The following IFT46 variants were observed in gnomAD, a reference collection of about 807,000 sequenced individuals.
IFT46 encodes the protein intraflagellar transport protein 46 homolog.
A neutral mutation model predicts 39.6 loss-of-function variants in IFT46; 19 were observed. The ratio of observed to expected loss-of-function variants is 0.48; its 90% CI spans 0.33 to 0.70. The LOEUF (loss-of-function observed/expected upper bound fraction) is 0.70. Ranked by LOEUF, IFT46 falls within the 30% of genes least tolerant of loss-of-function variation. The pLI, the probability that IFT46 is intolerant of heterozygous loss-of-function variation, is 0.01. For synonymous variants in IFT46, 117 were observed against 134.8 expected, an observed-to-expected ratio of 0.87 and a Z score of 0.91; for missense variants, 334 against 364.8, an observed-to-expected ratio of 0.92 and a Z score of 0.69.
upstream of IFT46, among the ~76,000 whole-genome samples, chr11:118,567,299 G>T (rs1462044390): frequency 6.6e-6 from 1 of 151,144 alleles, no homozygotes; most frequent in Non-Finnish European, 1.5e-5. Flanking sequence ...TTTTTTGGTC[G>T]GGCACGGTGG....
chr11:118,571,030 C>A (rs1938325814), upstream of IFT46, among the ~76,000 whole-genome samples: 1 of 152,084 alleles, frequency 6.6e-6, no homozygotes, highest in African/African-American at 2.4e-5. Flanking sequence ...ATCATGCCAC[C>A]ATGCCTGGCT....
intron 4 of IFT46, 133 bp downstream of exon 4, chr11:118,556,773 G>T: frequency 9.0e-7 from 1 of 1,105,228 alleles, no homozygotes. Context: ...GGGTTTCTGA[G>T]ACATCTGAAA....
intron 6 of IFT46, 47 bp downstream of exon 6, chr11:118,554,943 T>C (rs1555069173): frequency 7.6e-7 from 1 of 1,310,808 alleles, no homozygotes; most frequent in Admixed American, 1.7e-5. Flanking sequence ...AACAGGGGCA[T>C]CAGAAGAAAC....
At chr11:118,566,160 A>G (rs1555071468), upstream of IFT46, 2 of 152,148 alleles carry the variant, frequency 1.3e-5, no homozygotes, top group African/African-American at 4.8e-5. Context: ...GTGTAGAGTT[A>G]GCCCTTCAAT....
chr11:118,571,963 G>T (rs1191947718), intron 1 of IFT46, among the ~76,000 whole-genome samples: 1 of 151,892 alleles, frequency 6.6e-6, no homozygotes, highest in Non-Finnish European at 1.5e-5. Context: ...TGTGGCGCGT[G>T]CCTGTAATCC....
At chr11:118,548,606 G>A (rs1301597576) in intron 9 of IFT46, among the ~76,000 whole-genome samples, 1 of 150,688 alleles carries the variant, frequency 6.6e-6, no homozygotes, top group African/African-American at 2.4e-5. Context: ...CTCACGATCC[G>A]CCCGCCTCGG....
chr11:118,546,474 A>T, intron 9 of IFT46: 1 of 262,856 alleles, frequency 3.8e-6, no homozygotes, highest in African/African-American at 2.2e-5. Context: ...CTGGGCATAG[A>T]GTAATACCCT....
intron 10 of IFT46, 127 bp from the exon 11 acceptor site, chr11:118,545,621 G>T: frequency 9.4e-7 from 1 of 1,061,340 alleles, no homozygotes. Flanking sequence ...TAAATACCCA[G>T]CAGGTAGTCA....
chr11:118,560,974 T>G, intron 2 of IFT46: 1 of 1,370,558 alleles, frequency 7.3e-7, no homozygotes, highest in Non-Finnish European at 1.0e-6. Flanking sequence ...CAAATTATGC[T>G]GCAACTTATT....
At chr11:118,545,900 G>A in intron 9 of IFT46, 47 bp from the exon 10 acceptor site, 1 of 1,531,764 alleles carries the variant, frequency 6.5e-7, no homozygotes, top group Non-Finnish European at 9.0e-7. Flanking sequence ...GGTGTCAGTG[G>A]TCCCAGAACC....
At chr11:118,570,380 C>A (rs1466907045), upstream of IFT46, among the ~76,000 whole-genome samples, 1 of 152,124 alleles carries the variant, frequency 6.6e-6, no homozygotes, top group Non-Finnish European at 1.5e-5. Context: ...TGACTTTGAA[C>A]TTGGCTCTAC....
intron 3 of IFT46, chr11:118,557,413 CAG>C: frequency 2.6e-6 from 1 of 387,828 alleles, no homozygotes; most frequent in Non-Finnish European, 4.6e-6. Context: ...GGAAGAAAAT[CAG>C]GGAATATGAA....
At chr11:118,552,187 T>G (rs1555068607) in intron 8 of IFT46, 27 bp downstream of exon 8, 1 of 1,613,534 alleles carries the variant, frequency 6.2e-7, no homozygotes, top group Non-Finnish European at 8.5e-7. Context: ...TATGTGTTAC[T>G]GTTGCAAAGA....
At chr11:118,559,691 T>C (rs1480748652) in intron 3 of IFT46, 94 bp downstream of exon 3, 1 of 936,454 alleles carries the variant, frequency 1.1e-6, no homozygotes, top group South Asian at 1.3e-5. Flanking sequence ...TGGAGGTGAG[T>C]GTTCAAGAAA....
chr11:118,559,685 G>A (rs1937966141), intron 3 of IFT46, 100 bp downstream of exon 3: 3 of 900,992 alleles, frequency 3.3e-6, no homozygotes, highest in Non-Finnish European at 5.6e-6. Context: ...AACCCCTGGA[G>A]GTGAGTGTTC....
intron 2 of IFT46, among the ~76,000 whole-genome samples, chr11:118,564,696 A>C (rs1555071146): frequency 6.6e-6 from 1 of 152,066 alleles, no homozygotes; most frequent in East Asian, 1.9e-4. Context: ...AAAAAAAGAA[A>C]AGAAAAAGAA....
intron 2 of IFT46, among the ~76,000 whole-genome samples, chr11:118,561,916 A>G (rs1938069659): frequency 6.6e-6 from 1 of 152,180 alleles, no homozygotes; most frequent in African/African-American, 2.4e-5. Context: ...AGGCAGGCAG[A>G]TTGCTTGAGC....
chr11:118,551,871 A>C lies in IFT46; in HGVS notation c.606-19T>G. Reference sequence around the variant, plus strand: ...CATGGGCCTAAAAGTATAAAGGTAAATATGAACAAGAAACGTGAACTGATA... The same window carrying C: ...CATGGGCCTAAAAGTATAAAGGTAACTATGAACAAGAAACGTGAACTGATA... On this transcript the variant is annotated intron_variant, in intron 8 of 11. Transcript: ENST00000264021. 6.2e-7 allele frequency: 1 copy of C among 1,610,142 alleles called. No individual in the cohort carries two copies. Among genetic ancestry groups the C allele is most frequent in the Non-Finnish European group, 8.5e-7 (1 of 1,176,422 alleles).
intron 9 of IFT46, among the ~76,000 whole-genome samples, chr11:118,549,707 T>C (rs1182635966): frequency 2.0e-5 from 3 of 151,636 alleles, no homozygotes; most frequent in Admixed American, 6.6e-5. Context: ...GTATTTCTAG[T>C]AGAGATGGGG....
Sources: allele counts gnomAD v4.1 joint callset (sites outside exome capture counted in the v4.1 genomes callset), GRCh38; gene constraint gnomAD v4.1.1; transcripts MANE v1.5; gene names NCBI Gene and HGNC (gene_info 2026-07-23, HGNC 2026-07-21).